KSR2: variants seen among roughly 807,000 people sequenced by gnomAD.
KSR2 encodes the protein kinase suppressor of ras 2.
KSR2 carries 25 observed loss-of-function variants against 107.8 expected under a neutral mutation model. The observed-to-expected ratio is 0.23, with a 90% CI of 0.17 to 0.32. The LOEUF is 0.32. Among genes scored for constraint, KSR2 ranks in the 10% least tolerant of loss-of-function variants. The pLI is 1.00. For missense variants in KSR2, 887 were observed against 1,268.9 expected (o/e 0.70, Z 4.57); for synonymous variants, 480 against 507.0 (o/e 0.95, Z 0.71).
intron 2 of KSR2, among the ~76,000 whole-genome samples, chr12:117,856,123 C>T (rs1893093746): frequency 6.6e-6 from 1 of 152,172 alleles, no homozygotes; most frequent in Non-Finnish European, 1.5e-5. Context: ...AAAGTCCATG[C>T]CCCGTGCTGG....
intron 3 of KSR2, among the ~76,000 whole-genome samples, chr12:117,793,186 G>C (rs1270921614): frequency 2.5e-5 from 3 of 119,450 alleles, no homozygotes; most frequent in African/African-American, 7.1e-5. Context: ...ACACACCAAT[G>C]TGCACACATA....
chr12:117,911,960 C>G (rs1895030381), intron 1 of KSR2, among the ~76,000 whole-genome samples: 1 of 152,216 alleles, frequency 6.6e-6, no homozygotes, highest in African/African-American at 2.4e-5. Flanking sequence ...GATGCTATCT[C>G]CAAAGGACGT....
At position 117,468,709 on chromosome 12, in the gene KSR2, CAT is replaced by C. The variant is rs201561047; in HGVS notation, c.2846+951_2846+952del. 7.9e-3 allele frequency among the ~76,000 whole-genome samples: 1,203 copies of C among 152,226 alleles called. 9 individuals are homozygous for C. The highest frequency in any genetic ancestry group is 0.031 in the Middle Eastern group (9 of 294). On this transcript the variant is annotated intron_variant, in intron 19 of 19. Coordinates refer to ENST00000339824, the MANE Select transcript of KSR2 (RefSeq NM_173598.6). The stretch of plus-strand genomic sequence containing the variant: ...ATGGCAGTGCAAGTGTGTATATACA[CAT>C]GTCTTCATGTACCATGTAATGTGAT...
At chr12:117,509,776 G>C (rs1873916853) in intron 14 of KSR2, among the ~76,000 whole-genome samples, 1 of 152,174 alleles carries the variant, frequency 6.6e-6, no homozygotes, top group Non-Finnish European at 1.5e-5. Flanking sequence ...CCCCTTCTTT[G>C]CCTTTGAAGA....
At chr12:117,484,626 C>A in intron 15 of KSR2, 77 bp from the exon 16 acceptor site, 2 of 1,485,358 alleles carry the variant, frequency 1.3e-6, no homozygotes, top group Non-Finnish European at 1.9e-6. Context: ...AGTTCACATT[C>A]CTTGTCCTGA....
At chr12:117,634,696 T>C (rs928567347) in intron 5 of KSR2, among the ~76,000 whole-genome samples, 4 of 152,182 alleles carry the variant, frequency 2.6e-5, no homozygotes, top group African/African-American at 9.7e-5. Context: ...CAAGCCCTGT[T>C]CAGCATTCAG....
At chr12:117,786,595 C>T (rs1890082196) in intron 3 of KSR2, among the ~76,000 whole-genome samples, 1 of 152,136 alleles carries the variant, frequency 6.6e-6, no homozygotes. Flanking sequence ...GCAGGCAGAT[C>T]CCCTGAGCTC....
chr12:117,750,534 A>G (rs981544265), intron 4 of KSR2, among the ~76,000 whole-genome samples: 1 of 152,152 alleles, frequency 6.6e-6, no homozygotes, highest in Admixed American at 6.6e-5. Context: ...TTCAGGAGGT[A>G]CACGTGCAGG....
intron 4 of KSR2, among the ~76,000 whole-genome samples, chr12:117,718,042 C>G (rs1887065561): frequency 6.6e-6 from 1 of 152,164 alleles, no homozygotes. Context: ...TTCCTAAGCA[C>G]TTTGCAGTTA....
intron 4 of KSR2, among the ~76,000 whole-genome samples, chr12:117,758,163 G>A (rs1358340547): frequency 6.6e-6 from 1 of 152,094 alleles, no homozygotes; most frequent in Non-Finnish European, 1.5e-5. Flanking sequence ...TTAAATCCAA[G>A]GTCAAAAGGC....
intron 14 of KSR2, among the ~76,000 whole-genome samples, chr12:117,514,225 A>G (rs982849815): frequency 9.9e-5 from 15 of 152,212 alleles, no homozygotes; most frequent in African/African-American, 3.6e-4. Flanking sequence ...GCTTTCCCCT[A>G]CGGGAGGCAT....
chr12:117,849,141 G>T (rs939415712), intron 3 of KSR2, among the ~76,000 whole-genome samples: 4 of 152,154 alleles, frequency 2.6e-5, no homozygotes, highest in African/African-American at 7.2e-5. Flanking sequence ...AACGGAGGCT[G>T]CCCTAGCCAC....
chr12:117,769,935 T>A (rs1209648013), intron 3 of KSR2, among the ~76,000 whole-genome samples: 1 of 151,922 alleles, frequency 6.6e-6, no homozygotes, highest in Non-Finnish European at 1.5e-5. Flanking sequence ...ATGCCTGTAA[T>A]CCCAGCTACT....
At chr12:117,620,789 C>A (rs187778856) in intron 5 of KSR2, among the ~76,000 whole-genome samples, 1 of 152,118 alleles carries the variant, frequency 6.6e-6, no homozygotes, top group Non-Finnish European at 1.5e-5. Flanking sequence ...TTTCTGATTA[C>A]GCCATTCCTA....
intron 4 of KSR2, among the ~76,000 whole-genome samples, chr12:117,717,712 T>TGTGTGC (rs1209120329): frequency 2.9e-5 from 4 of 137,176 alleles, no homozygotes; most frequent in East Asian, 4.4e-4. Context: ...TGTGTGTGTG[T>TGTGTGC]GCATGCGCGC....
intron 3 of KSR2, among the ~76,000 whole-genome samples, chr12:117,813,296 A>G (rs1177989953): frequency 6.6e-6 from 1 of 152,172 alleles, no homozygotes; most frequent in East Asian, 1.9e-4. Flanking sequence ...GGATTATATC[A>G]AACTAAAAAG....
chr12:117,655,443 G>T (rs763188297), intron 5 of KSR2, among the ~76,000 whole-genome samples: 2 of 152,156 alleles, frequency 1.3e-5, no homozygotes, highest in Non-Finnish European at 2.9e-5. Context: ...CTGCAGGACT[G>T]GGGCAAAGTT....
intron 5 of KSR2, among the ~76,000 whole-genome samples, chr12:117,632,698 C>T (rs1882867784): frequency 6.6e-6 from 1 of 152,194 alleles, no homozygotes; most frequent in Non-Finnish European, 1.5e-5. Context: ...CCACCCTCCA[C>T]CCTCAAGTAG....
intron 7 of KSR2, among the ~76,000 whole-genome samples, chr12:117,568,500 G>T (rs816206): frequency 0.83 from 126,472 of 152,116 alleles, 53,021 homozygotes; most frequent in Middle Eastern, 0.89. Flanking sequence ...GTCTGGGATC[G>T]TGAATCTGAG....
Sources: gnomAD v4.1 joint callset for allele counts (sites outside exome capture counted in the v4.1 genomes callset) on GRCh38, gnomAD v4.1.1 for gene constraint, MANE v1.5 for transcripts, NCBI Gene and HGNC (gene_info 2026-07-23, HGNC 2026-07-21) for gene names.